NEBL: variants seen among roughly 807,000 people sequenced by gnomAD.
NEBL encodes nebulette.
A neutral mutation model predicts 140.2 loss-of-function variants in NEBL; 122 were observed. The ratio of observed to expected loss-of-function variants is 0.87; its 90% confidence interval spans 0.75 to 1.01. NEBL has a LOEUF of 1.01. Among genes scored for constraint, NEBL ranks in the 50% least tolerant of loss-of-function variants. The probability of loss-of-function intolerance (pLI) is 0.00; values close to 1 mark genes in which losing one functional copy is unlikely to be tolerated. For missense variants in NEBL, 1,365 were observed against 1,231.3 expected (o/e 1.11, Z -1.62); for synonymous variants, 436 against 398.9 (o/e 1.09, Z -1.11).
rs932503629 is a variant in NEBL, at chr10:20,781,024, T to C, written c.*4723A>G. On this transcript the variant is annotated 3_prime_UTR_variant, in exon 28 of 28. Coordinates refer to ENST00000377122, the MANE Select transcript of NEBL (RefSeq NM_006393.3). ...TTATGCAGGGGAAATAATGTCTTAT[T>C]ACACATTAACTGCGACATCCACTAA... is the stretch of plus-strand genomic sequence containing the variant. The C allele has an allele frequency of 3.9e-5, 6 of 152,356 alleles. No homozygotes were observed. Among genetic ancestry groups the C allele is most frequent in the Admixed American group, 3.9e-4 (6 of 15,274 alleles). The allele number at this position is 152,356 out of a possible 1,614,324, so 9.4% of individuals were successfully genotyped here. A position where few individuals can be genotyped will look rare whatever the true frequency, so the allele number is the denominator to read the frequency against.
chr10:20,927,836 G>A (rs1368833826), intron 4 of NEBL, among the ~76,000 whole-genome samples: 1 of 152,052 alleles, frequency 6.6e-6, no homozygotes, highest in Non-Finnish European at 1.5e-5. Flanking sequence ...GCTTCTCGTG[G>A]TAAGATATGA....
At chr10:20,986,158 C>A (rs1837249603) in intron 3 of NEBL, among the ~76,000 whole-genome samples, 1 of 152,140 alleles carries the variant, frequency 6.6e-6, no homozygotes, top group Non-Finnish European at 1.5e-5. Flanking sequence ...AATACATATG[C>A]AGTTGTGTAT....
At chr10:20,930,447 T>C (rs1834127979) in intron 4 of NEBL, among the ~76,000 whole-genome samples, 1 of 152,212 alleles carries the variant, frequency 6.6e-6, no homozygotes, top group South Asian at 2.1e-4. Context: ...TAAAACCCAT[T>C]TTTCCTAGAC....
intron 2 of NEBL, among the ~76,000 whole-genome samples, chr10:21,132,382 G>A (rs557204541): frequency 7.5e-4 from 114 of 152,178 alleles, no homozygotes; most frequent in African/African-American, 2.1e-3. Flanking sequence ...TTATCTACTC[G>A]TCAATTAGTG....
chr10:20,788,031 A>C (rs1368653497), intron 26 of NEBL, among the ~76,000 whole-genome samples: 2 of 152,182 alleles, frequency 1.3e-5, no homozygotes, highest in African/African-American at 4.8e-5. Flanking sequence ...TTCATTTAGT[A>C]TGTGCTCTCC....
chr10:20,968,429 T>C (rs540558942), intron 3 of NEBL, among the ~76,000 whole-genome samples: 10 of 151,902 alleles, frequency 6.6e-5, no homozygotes, highest in African/African-American at 2.4e-4. Flanking sequence ...GAGGAATACC[T>C]CAGCCCAGAA....
At chr10:20,992,809 G>A (rs574602748) in intron 3 of NEBL, among the ~76,000 whole-genome samples, 125 of 105,044 alleles carry the variant, frequency 1.2e-3, no homozygotes, top group African/African-American at 4.3e-3. Context: ...GCGGAGTCTC[G>A]CTCTGTCACC....
intron 2 of NEBL, among the ~76,000 whole-genome samples, chr10:21,067,173 G>A (rs1012065199): frequency 3.4e-4 from 52 of 151,962 alleles, no homozygotes; most frequent in African/African-American, 1.1e-3. Flanking sequence ...GGGTTTCACC[G>A]TGTTAGCCAG....
At chr10:20,859,494 T>C (rs543766474) in intron 8 of NEBL, among the ~76,000 whole-genome samples, 1 of 152,146 alleles carries the variant, frequency 6.6e-6, no homozygotes, top group Non-Finnish European at 1.5e-5. Context: ...ATAACTTCAT[T>C]TGCAACACTA....
At chr10:20,868,511 T>C (rs1016332316) in intron 7 of NEBL, 153 bp downstream of exon 7, 18 of 666,806 alleles carry the variant, frequency 2.7e-5, no homozygotes, top group Middle Eastern at 3.6e-4. Flanking sequence ...CTGAAATTCA[T>C]AATGATTGCA....
intron 7 of NEBL, among the ~76,000 whole-genome samples, chr10:20,864,072 T>C (rs558752501): frequency 2.0e-5 from 3 of 152,324 alleles, no homozygotes; most frequent in Non-Finnish European, 2.9e-5. Context: ...CTTATCAATG[T>C]ATTAATGCAA....
chr10:20,791,870 A>G (rs1836019935), intron 26 of NEBL, among the ~76,000 whole-genome samples: 1 of 152,242 alleles, frequency 6.6e-6, no homozygotes, highest in African/African-American at 2.4e-5. Context: ...AGAGAATATG[A>G]TTAAGTGTCC....
chr10:21,212,436 C>T (rs1173510269), intron 3 of NEBL, among the ~76,000 whole-genome samples: 1 of 152,138 alleles, frequency 6.6e-6, no homozygotes. Context: ...AGCGCCTACC[C>T]CTCCTCAGAG....
intron 1 of NEBL, among the ~76,000 whole-genome samples, chr10:21,274,762 A>G (rs1460817394): frequency 2.6e-5 from 4 of 152,162 alleles, no homozygotes; most frequent in African/African-American, 9.6e-5. Flanking sequence ...ATGCTAGAGA[A>G]AAGAAAAATG....
chr10:21,233,815 T>G (rs1475917306), intron 3 of NEBL, among the ~76,000 whole-genome samples: 1 of 140,778 alleles, frequency 7.1e-6, no homozygotes, highest in Admixed American at 7.3e-5. Context: ...TAGATATATA[T>G]TACATATATA....
intron 2 of NEBL, among the ~76,000 whole-genome samples, chr10:21,021,017 C>T (rs1838769543): frequency 1.3e-5 from 2 of 152,108 alleles, no homozygotes; most frequent in South Asian, 4.1e-4. Flanking sequence ...CACAGCTGTT[C>T]ATCACCCCAC....
chr10:21,050,679 G>T (rs1834736683), intron 2 of NEBL, among the ~76,000 whole-genome samples: 1 of 152,178 alleles, frequency 6.6e-6, no homozygotes. Context: ...GCATCTGACA[G>T]GTGTTTTCCA....
At chr10:21,226,696 C>T (rs1842154952) in intron 3 of NEBL, among the ~76,000 whole-genome samples, 1 of 152,214 alleles carries the variant, frequency 6.6e-6, no homozygotes, top group African/African-American at 2.4e-5. Context: ...TTTACTCTCC[C>T]TCCTGCAAGC....
chr10:20,809,886 C>T lies in NEBL; in HGVS notation c.2531G>A (p.Trp844Ter), dbSNP rs1837962652. 1 of 1,542,430 alleles carries T rather than the reference C, an allele frequency of 6.5e-7. No homozygotes were observed. The highest frequency in any genetic ancestry group is 1.4e-5 in the African/African-American group (1 of 70,022). The change falls in exon 25 of 28, where the codon TGG becomes TAG. Residue 844 changes from tryptophan to a stop codon, truncating the protein, a stop_gained. Transcript: ENST00000377122. LOFTEE classifies it high-confidence loss of function. ...GAAGATGGAGCCAGGATCTGTGCGC[C>T]AAACTTTGAGGTCTTTTGCCAAAAG... ...RPGIIVDLKV[W>*]RTDPGSIFDL...
Sources: gnomAD v4.1 joint callset for allele counts (sites outside exome capture counted in the v4.1 genomes callset) on GRCh38, gnomAD v4.1.1 for gene constraint, MANE v1.5 for transcripts, NCBI Gene and HGNC (gene_info 2026-07-23, HGNC 2026-07-21) for gene names.